GHRL: variants seen among roughly 807,000 people sequenced by gnomAD.
The protein encoded by GHRL is ghrelin and obestatin prepropeptide, also known as appetite-regulating hormone.
A neutral mutation model predicts 16.9 loss-of-function variants in GHRL; 24 were observed. The observed-to-expected ratio is 1.42, with a 90% CI of 1.03 to 2.00. The LOEUF (loss-of-function observed/expected upper bound fraction) is 2.00. GHRL is among the 30% of genes most tolerant of loss of function. The pLI, the probability that GHRL is intolerant of heterozygous loss-of-function variation, is 0.00. For missense variants in GHRL, 193 were observed against 142.1 expected (o/e 1.36, Z -1.82); for synonymous variants, 63 against 58.2 (o/e 1.08, Z -0.37).
At position 10,285,701 on chromosome 3, in the gene GHRL, A is replaced by G. The variant is rs895148586; in HGVS notation, c.*174T>C. On this transcript the variant is annotated 3_prime_UTR_variant, in exon 6 of 6. Transcript: ENST00000335542. ...TATTATTTTGATTTTTTTAAAGTAAAATATTAACTTTTCCTCTTTGAAATA... is the reference window on the plus strand; with the variant it reads ...TATTATTTTGATTTTTTTAAAGTAAGATATTAACTTTTCCTCTTTGAAATA... The G allele has an allele frequency of 1.8e-6, 1 of 567,484 alleles. No individual in the cohort carries two copies. Among genetic ancestry groups the G allele is most frequent in the Non-Finnish European group, 3.2e-6 (1 of 311,218 alleles). The allele number at this position is 567,484 out of a possible 1,614,324, so 35.2% of individuals were successfully genotyped here. A position where few individuals can be genotyped will look rare whatever the true frequency, so the allele number is the denominator to read the frequency against.
intron 5 of GHRL, among the ~76,000 whole-genome samples, chr3:10,286,146 C>G (rs1699031978): frequency 6.6e-6 from 1 of 152,212 alleles, no homozygotes; most frequent in Non-Finnish European, 1.5e-5. Flanking sequence ...GGTGACGGGT[C>G]ACCGCCTTGG....
intron 3 of GHRL, 28 bp downstream of exon 3, chr3:10,290,045 C>T: frequency 6.2e-7 from 1 of 1,609,792 alleles, no homozygotes. Flanking sequence ...GCTGGAACAA[C>T]ATGTGGGGCT....
chr3:10,286,844 T>A (rs756860899), intron 4 of GHRL, 32 bp from the exon 5 acceptor site: 1 of 1,291,992 alleles, frequency 7.7e-7, no homozygotes, highest in South Asian at 1.2e-5. Context: ...ACCCAGGAGA[T>A]GTCAGAGGTC....
At position 10,290,844 on chromosome 3, in the gene GHRL, T is replaced by C. The variant is rs1489921501; in HGVS notation, c.-158A>G. 3 of 985,950 alleles carry C rather than the reference T, an allele frequency of 3.0e-6. No individual in the cohort carries two copies. The highest frequency in any genetic ancestry group is 3.6e-6 in the Non-Finnish European group (3 of 830,372). 61.1% of individuals were successfully genotyped at this position (985,950 alleles called of 1,614,324 possible). On this transcript the variant is annotated 5_prime_UTR_variant, in exon 2 of 6. Transcript: ENST00000335542. ...TTCCGTGGGGCTGATGTACATTCCT[T>C]GGGAACTAAAAATGTTCTTGTCCTC...
intron 1 of GHRL, 114 bp downstream of exon 1, chr3:10,292,728 G>T: frequency 1.4e-6 from 1 of 690,222 alleles, no homozygotes; most frequent in South Asian, 1.7e-5. Flanking sequence ...GTAGTCCTCA[G>T]AGAAGACTTG....
At chr3:10,292,318 T>TC (rs1340817694) in intron 1 of GHRL, 1 of 153,960 alleles carries the variant, frequency 6.5e-6, no homozygotes, top group Non-Finnish European at 1.4e-5. Context: ...AACATTGTGT[T>TC]CCAGGAAAAT....
At position 10,287,003 on chromosome 3, in the gene GHRL, C is replaced by CAG. The variant is rs1218787821; in HGVS notation, c.226-192_226-191insCT. ...TTCTCAGGACCACAGCTCACCTTCC[C>CAG]ACTCACCATCTTTCAGACACTTACC... On this transcript the variant is annotated intron_variant, in intron 4 of 5. Transcript: ENST00000335542. 17 of 532,822 alleles carry CAG rather than the reference C, an allele frequency of 3.2e-5. No homozygotes were observed. The East Asian group carries it at 4.9e-4, about 15-fold the overall frequency. 33.0% of individuals were successfully genotyped at this position (532,822 alleles called of 1,614,324 possible). A position where few individuals can be genotyped will look rare whatever the true frequency, so the allele number is the denominator to read the frequency against.
chr3:10,290,721 G>T lies in GHRL; in HGVS notation c.-35C>A. On this transcript the variant is annotated 5_prime_UTR_variant, in exon 2 of 6. It adds an upstream start codon to the 5' untranslated region. Coordinates refer to ENST00000335542, the MANE Select transcript of GHRL (RefSeq NM_016362.5). ...GGAGAGTAGAGAGAGCTTACCTGCA[G>T]TTCCTGGCGGAGGTGGTGCCTGGTG... is the stretch of plus-strand genomic sequence containing the variant. 2 of 1,002,004 alleles carry T rather than the reference G, an allele frequency of 2.0e-6. No homozygotes were observed. Among genetic ancestry groups the T allele is most frequent in the Non-Finnish European group, 2.4e-6 (2 of 840,330 alleles). 62.1% of individuals were successfully genotyped at this position (1,002,004 alleles called of 1,614,324 possible). A position where few individuals can be genotyped will look rare whatever the true frequency, so the allele number is the denominator to read the frequency against.
intron 4 of GHRL, among the ~76,000 whole-genome samples, chr3:10,288,950 G>A (rs1000466170): frequency 6.6e-6 from 1 of 152,170 alleles, no homozygotes; most frequent in Non-Finnish European, 1.5e-5. Context: ...CTCTAAAGTG[G>A]GAGTAATGCC....
Position 10,291,143 on chromosome 3 carries a change from T to A in GHRL, c.-457A>T. 2 of 985,780 alleles carry A rather than the reference T, an allele frequency of 2.0e-6. No homozygotes were observed. The highest frequency in any genetic ancestry group is 2.4e-6 in the Non-Finnish European group (2 of 830,176). 61.1% of individuals were successfully genotyped at this position (985,780 alleles called of 1,614,324 possible). On this transcript the variant is annotated 5_prime_UTR_variant, in exon 2 of 6. Coordinates refer to ENST00000335542, the MANE Select transcript of GHRL (RefSeq NM_016362.5). ...ACCTCCCCAGTCCAGCGCCCCGTTG[T>A]TTCCCATGTGCTGTTGCTGCTCTGG...
At chr3:10,290,690 G>A (rs1038579234) in intron 2 of GHRL, 26 bp downstream of exon 2, 16 of 1,003,964 alleles carry the variant, frequency 1.6e-5, no homozygotes, top group African/African-American at 6.9e-5. Flanking sequence ...GTCAGCAAAC[G>A]CACACGGAGA....
chr3:10,292,244 C>T (rs1420940594), intron 1 of GHRL: 1 of 152,260 alleles, frequency 6.6e-6, no homozygotes, highest in Non-Finnish European at 1.5e-5. Context: ...TGCTGGGATT[C>T]CCCCATGGAT....
Position 10,290,160 on chromosome 3 carries a change from G to C in GHRL, c.21C>G (p.Val7=). 6.2e-7 allele frequency: 1 copy of C among 1,612,482 alleles called. No individual in the cohort carries two copies. The highest frequency in any genetic ancestry group is 8.5e-7 in the Non-Finnish European group (1 of 1,179,762). MPSPGT[V]CSLLLLGMLW... is the part of the protein sequence containing the mutation. ...GCATGCCGAGGAGCAGGAGGCTGCA[G>C]ACGGTCCCTGGGGAGGGCATGGCCT... The change falls in exon 3 of 6, where the codon GTC becomes GTG. Residue 7 remains valine (V), a synonymous_variant. Transcript: ENST00000335542.
intron 2 of GHRL, 152 bp from the exon 3 acceptor site, chr3:10,290,361 T>C: frequency 4.4e-6 from 3 of 674,590 alleles, no homozygotes; most frequent in South Asian, 1.9e-5. Flanking sequence ...CCTCCCAAGG[T>C]AGAAGATGAT....
intron 3 of GHRL, 79 bp downstream of exon 3, chr3:10,289,994 G>A (rs1040707192): frequency 1.9e-6 from 3 of 1,550,190 alleles, no homozygotes; most frequent in African/African-American, 2.7e-5. Flanking sequence ...CAGAGATGGC[G>A]CTGCTGCTCC....
intron 4 of GHRL, among the ~76,000 whole-genome samples, chr3:10,288,980 G>A (rs1316864464): frequency 6.6e-6 from 1 of 152,140 alleles, no homozygotes; most frequent in African/African-American, 2.4e-5. Context: ...TACCTCACAG[G>A]TTGTCGTAGG....
At chr3:10,289,018 T>C (rs1699517427) in intron 4 of GHRL, among the ~76,000 whole-genome samples, 1 of 152,180 alleles carries the variant, frequency 6.6e-6, no homozygotes, top group Non-Finnish European at 1.5e-5. Flanking sequence ...AGAGGTGAAG[T>C]TGGTATCCTC....
At chr3:10,286,237 TGAG>T (rs2125193069) in intron 5 of GHRL, among the ~76,000 whole-genome samples, 1 of 152,220 alleles carries the variant, frequency 6.6e-6, no homozygotes, top group African/African-American at 2.4e-5. Flanking sequence ...TTTTACAAGG[TGAG>T]GGGATTCAAA....
Position 10,289,834 on chromosome 3 carries a change from T to C in GHRL, c.153A>G (p.Arg51=). The change falls in exon 4 of 6, where the codon CGA becomes CGG. Residue 51 remains arginine, a synonymous_variant. Transcript: ENST00000335542. ...CCGGGCGGAGCCAGCCTGCTAGAGC[T>C]CGGGGCTGCAGCTTGGCTGGTGGCT... ...SKKPPAKLQP[R]ALAGWLRPED... 6.2e-7 allele frequency: 1 copy of C among 1,613,764 alleles called. No homozygotes were observed. The highest frequency in any genetic ancestry group is 8.5e-7 in the Non-Finnish European group (1 of 1,179,904).
Sources: gnomAD v4.1 joint callset for allele counts (sites outside exome capture counted in the v4.1 genomes callset) on GRCh38, gnomAD v4.1.1 for gene constraint, MANE v1.5 for transcripts, NCBI Gene and HGNC (gene_info 2026-07-23, HGNC 2026-07-21) for gene names.